TANC2: variants seen among roughly 807,000 people sequenced by gnomAD.
TANC2 encodes protein TANC2.
TANC2 carries 26 observed loss-of-function variants against 210.5 expected under a neutral mutation model. The observed-to-expected ratio is 0.12, with a 90% confidence interval of 0.09 to 0.17. The LOEUF is 0.17. Among genes scored for constraint, TANC2 ranks in the 10% least tolerant of loss-of-function variants. The pLI, the probability that TANC2 is intolerant of heterozygous loss-of-function variation, is 1.00. For missense variants in TANC2, 2,129 were observed against 2,608.9 expected, an observed-to-expected ratio of 0.82 and a Z score of 4.01; for synonymous variants, 931 against 967.1, an observed-to-expected ratio of 0.96 and a Z score of 0.69.
chr17:63,354,825 C>G, exon 14 of TANC2: 2 of 1,579,310 alleles, frequency 1.3e-6, no homozygotes, highest in Admixed American at 4.0e-5. Context: ...TTTTTTGGAT[C>G]GACTAGAAGA....
rs1189244701 is a variant in TANC2 at position 63,319,497 on chromosome 17, C to T, written c.1575+407C>T. On this transcript the variant is annotated intron_variant, in intron 11 of 27. Coordinates refer to ENST00000689528, the Ensembl canonical transcript of TANC2. ...GTAGCTGTAGCTGGGACTACAGGTG[C>T]GTGCCACCACACCAGACTAATTTTT... Among the ~76,000 whole-genome samples the T allele has an allele frequency of 6.6e-5, 10 of 152,200 alleles. No individual in the cohort carries two copies. In the East Asian group the frequency reaches 9.7e-4, roughly 15 times the overall value.
intron 14 of TANC2, among the ~76,000 whole-genome samples, chr17:63,359,242 GAGAA>G (rs1382355551): frequency 6.6e-6 from 1 of 151,848 alleles, no homozygotes; most frequent in Non-Finnish European, 1.5e-5. Context: ...TTTGTTTGTA[GAGAA>G]AGAGTCTTAC....
intron 1 of TANC2, among the ~76,000 whole-genome samples, chr17:62,971,637 C>T (rs575723756): frequency 6.0e-4 from 91 of 152,294 alleles, no homozygotes; most frequent in African/African-American, 2.0e-3. Flanking sequence ...AGCCAGTTTT[C>T]TTTCTTTTAG....
chr17:63,252,039 C>T (rs879507649), intron 8 of TANC2, among the ~76,000 whole-genome samples: 34 of 152,048 alleles, frequency 2.2e-4, no homozygotes, highest in Admixed American at 2.0e-4. Flanking sequence ...AGAAGTTAAA[C>T]GTGAGAAACT....
At chr17:63,404,974 T>C in intron 19 of TANC2, 148 bp from the exon 20 acceptor site, 1 of 975,542 alleles carries the variant, frequency 1.0e-6, no homozygotes, top group Non-Finnish European at 1.4e-6. Context: ...CTTTAGAACT[T>C]TTCTTTATGG....
At chr17:63,173,631 G>A (rs1349254607) in intron 5 of TANC2, among the ~76,000 whole-genome samples, 1 of 152,124 alleles carries the variant, frequency 6.6e-6, no homozygotes, top group African/African-American at 2.4e-5. Flanking sequence ...TCCTGTGCCT[G>A]CCTTTGGGTC....
At chr17:63,290,536 AT>A (rs2044353498) in intron 9 of TANC2, among the ~76,000 whole-genome samples, 1 of 152,176 alleles carries the variant, frequency 6.6e-6, no homozygotes, top group Non-Finnish European at 1.5e-5. Flanking sequence ...CCCTTCTTAC[AT>A]TGTGGCCTGG....
At chr17:63,060,230 T>C (rs2035946071) in intron 2 of TANC2, among the ~76,000 whole-genome samples, 1 of 152,242 alleles carries the variant, frequency 6.6e-6, no homozygotes, top group Admixed American at 6.5e-5. Flanking sequence ...TTGTTGTTGT[T>C]CATGCTGTCT....
At chr17:63,178,342 C>G (rs2319663) in intron 5 of TANC2, among the ~76,000 whole-genome samples, 1 of 150,662 alleles carries the variant, frequency 6.6e-6, no homozygotes, top group Non-Finnish European at 1.5e-5. Context: ...CAAAAAAAAA[C>G]ACAAAAAACT....
intron 7 of TANC2, among the ~76,000 whole-genome samples, chr17:63,226,627 T>G (rs1002970436): frequency 2.0e-5 from 3 of 152,210 alleles, no homozygotes; most frequent in African/African-American, 4.8e-5. Flanking sequence ...ATTTCCAGGA[T>G]ACACATGCAG....
chr17:63,243,965 T>A (rs2042847171), intron 8 of TANC2, among the ~76,000 whole-genome samples: 1 of 152,182 alleles, frequency 6.6e-6, no homozygotes. Context: ...GCATGCCTTT[T>A]ACAGATTTTA....
At chr17:63,284,510 T>G (rs2146371294) in intron 9 of TANC2, among the ~76,000 whole-genome samples, 1 of 152,176 alleles carries the variant, frequency 6.6e-6, no homozygotes, top group South Asian at 2.1e-4. Context: ...CAAATTTGTC[T>G]TTTGACTTTT....
chr17:63,008,915 G>C (rs944530099), intron 1 of TANC2, among the ~76,000 whole-genome samples: 2 of 152,136 alleles, frequency 1.3e-5, no homozygotes, highest in African/African-American at 4.8e-5. Flanking sequence ...GGAGAGTCAA[G>C]TGAAAGGTAG....
At chr17:63,242,686 A>G (rs1172978460) in intron 8 of TANC2, among the ~76,000 whole-genome samples, 1 of 152,180 alleles carries the variant, frequency 6.6e-6, no homozygotes, top group Non-Finnish European at 1.5e-5. Context: ...AAAAATATAT[A>G]CATAATCATC....
Position 63,412,625 on chromosome 17 carries a change from TTCATCCA to T in TANC2, c.3899-53_3899-47del. ...TTTCCTTCTTTTTTTTTTTTTCACC[TTCATCCA>T]TTTTTTTTTCCTCTCCTACAACTTT... On this transcript the variant is annotated intron_variant, in intron 23 of 27. Transcript: ENST00000689528. This position sits in a 1 kb window ranked among gnomAD's most constrained non-coding sequence, Gnocchi z 4.2. 7.0e-7 allele frequency: 1 copy of T among 1,429,254 alleles called. No individual in the cohort carries two copies. Among genetic ancestry groups the T allele is most frequent in the Non-Finnish European group, 9.5e-7 (1 of 1,056,004 alleles). The allele number at this position is 1,429,254 out of a possible 1,614,324, so 88.5% of individuals were successfully genotyped here. A position where few individuals can be genotyped will look rare whatever the true frequency, so the allele number is the denominator to read the frequency against.
At chr17:62,988,709 T>G (rs77419236) in intron 1 of TANC2, among the ~76,000 whole-genome samples, 4,429 of 152,252 alleles carry the variant, frequency 0.029, 79 homozygotes, top group South Asian at 0.037. Flanking sequence ...TTTTTTAGTG[T>G]TATACAATTA....
At chr17:63,118,936 C>A (rs1043363380) in intron 4 of TANC2, among the ~76,000 whole-genome samples, 27 of 151,992 alleles carry the variant, frequency 1.8e-4, no homozygotes, top group African/African-American at 7.2e-5. Context: ...GCGCCCACCA[C>A]CACGCCCGGC....
intron 4 of TANC2, among the ~76,000 whole-genome samples, chr17:63,135,428 CATAAA>C (rs1346043271): frequency 6.6e-6 from 1 of 152,132 alleles, no homozygotes; most frequent in Non-Finnish European, 1.5e-5. Context: ...TGATGCAACT[CATAAA>C]ATGTTGATCA....
intron 4 of TANC2, chr17:63,149,093 C>G (rs2145383006): frequency 6.6e-6 from 1 of 152,194 alleles, no homozygotes; most frequent in Admixed American, 6.5e-5. Flanking sequence ...AAGATAACCT[C>G]AGTTGGAATT....
Sources: gnomAD v4.1 joint callset for allele counts (sites outside exome capture counted in the v4.1 genomes callset) on GRCh38, gnomAD v4.1.1 for gene constraint, Gnocchi (gnomAD v3.1) non-coding constraint, MANE v1.5 for transcripts, NCBI Gene and HGNC (gene_info 2026-07-23, HGNC 2026-07-21) for gene names.